HMGXB3: variants seen among roughly 807,000 people sequenced by gnomAD.
HMGXB3 encodes the protein HMG domain-containing protein 3.
A neutral mutation model predicts 121.5 loss-of-function variants in HMGXB3; 45 were observed. That is an observed-to-expected ratio of 0.37 (90% confidence interval 0.29 to 0.47). HMGXB3 has a LOEUF of 0.47. Ranked by LOEUF, HMGXB3 falls within the 20% of genes least tolerant of loss-of-function variation. The pLI is 0.99. For synonymous variants in HMGXB3, 590 were observed against 624.1 expected, an observed-to-expected ratio of 0.95 and a Z score of 0.81; for missense variants, 1,376 against 1,602.2, an observed-to-expected ratio of 0.86 and a Z score of 2.41.
chr5:150,009,888 G>T (rs979819717), intron 3 of HMGXB3, among the ~76,000 whole-genome samples: 1 of 152,132 alleles, frequency 6.6e-6, no homozygotes, highest in African/African-American at 2.4e-5. Flanking sequence ...CTGTGTGACT[G>T]AGTGAATAAG....
Position 150,038,712 on chromosome 5 carries a change from T to G in HMGXB3, c.2413+1185T>G, listed in dbSNP as rs1756555650. Among the ~76,000 whole-genome samples the G allele has an allele frequency of 2.0e-5, 3 of 152,274 alleles. No homozygotes were observed. The South Asian group carries it at 6.2e-4, about 31-fold the overall frequency. ...AAAGCAATTATGGCACGTAGCCTTTTGAGTCTGGCTTCTTTCAGTAAGTTA... is the reference window on the plus strand; with the variant it reads ...AAAGCAATTATGGCACGTAGCCTTTGGAGTCTGGCTTCTTTCAGTAAGTTA... On this transcript the variant is annotated intron_variant, in intron 13 of 19. Transcript: ENST00000502717.
At chr5:150,048,236 G>C (rs911775463) in intron 17 of HMGXB3, among the ~76,000 whole-genome samples, 5 of 152,182 alleles carry the variant, frequency 3.3e-5, no homozygotes, top group Admixed American at 2.6e-4. Context: ...TTTCTGTGCT[G>C]TTGAAAATGT....
intron 5 of HMGXB3, among the ~76,000 whole-genome samples, chr5:150,018,135 C>T (rs1756001262): frequency 6.6e-6 from 1 of 152,070 alleles, no homozygotes; most frequent in Admixed American, 6.5e-5. Context: ...GAATGTTGGG[C>T]CAAGAATAGA....
intron 5 of HMGXB3, among the ~76,000 whole-genome samples, chr5:150,016,740 A>G (rs1755969542): frequency 6.6e-6 from 1 of 152,186 alleles, no homozygotes; most frequent in African/African-American, 2.4e-5. Context: ...TAAGCCATTT[A>G]TATTTAATGT....
rs1379885056 is a variant in HMGXB3, at chr5:150,036,650, A to G, written c.1998A>G (p.Pro666=). The part of the protein sequence containing the change: ...KTTKAIEVSS[P]LPDVLNATEP... ...TCTCTTCCCAGGAGGTGAGCTCACCACTCCCAGATGTACTGAATGCCACAG... is the reference window on the plus strand; with the variant it reads ...TCTCTTCCCAGGAGGTGAGCTCACCGCTCCCAGATGTACTGAATGCCACAG... The change falls in exon 12 of 20, where the codon CCA becomes CCG. Residue 666 remains proline, a synonymous_variant. Coordinates refer to ENST00000502717, the MANE Select transcript of HMGXB3 (RefSeq NM_014983.3). The G allele has an allele frequency of 4.5e-6, 7 of 1,543,762 alleles. No homozygotes were observed. The African/African-American group carries it at 6.9e-5, about 15-fold the overall frequency.
chr5:150,053,119 T>TATTA lies in HMGXB3; in HGVS notation c.*929_*932dup, dbSNP rs1370047770. The stretch of plus-strand genomic sequence containing the variant: ...CTCTTCCCCCAACAAGAATAAAGTT[T>TATTA]ATTAAATTATCTGGTTTTGGTGTAG... On this transcript the variant is annotated 3_prime_UTR_variant, in exon 20 of 20. Transcript: ENST00000502717. 5.3e-6 allele frequency: 1 copy of TATTA among 188,146 alleles called. No homozygotes were observed. Among genetic ancestry groups the TATTA allele is most frequent in the African/African-American group, 2.3e-5 (1 of 42,738 alleles). The allele number at this position is 188,146 out of a possible 1,614,324, so 11.7% of individuals were successfully genotyped here.
intron 9 of HMGXB3, 156 bp from the exon 10 acceptor site, chr5:150,030,585 G>A (rs888448612): frequency 3.3e-6 from 2 of 606,818 alleles, no homozygotes; most frequent in Non-Finnish European, 6.0e-6. Flanking sequence ...AGCCTTTGGT[G>A]GGCTTGTGAC....
In HMGXB3 at chr5:150,051,825, G is replaced by A. The variant is rs377737634; in HGVS notation, c.3512G>A (p.Arg1171His). The change falls in exon 20 of 20, where the codon CGC (arginine) becomes CAC (histidine). Residue 1171 changes from arginine (R) to histidine (H), a missense_variant. Physicochemically the swap from Arg to His is conservative, Grantham distance 29 (BLOSUM62 0). Coordinates refer to ENST00000502717, the MANE Select transcript of HMGXB3 (RefSeq NM_014983.3). ...CCAGTCACCAAGACTGCCACGCGGCGCATCGTCCATGCAGGCCTACAGCCC... is the reference window on the plus strand; with the variant it reads ...CCAGTCACCAAGACTGCCACGCGGCACATCGTCCATGCAGGCCTACAGCCC... The part of the protein sequence containing the change: ...QHPVTKTATR[R>H]IVHAGLQPNP... 89 of 1,549,396 alleles carry A rather than the reference G, an allele frequency of 5.7e-5. No individual in the cohort carries two copies. The highest frequency in any genetic ancestry group is 5.5e-4 in the African/African-American group (40 of 73,164).
chr5:150,042,802 A>G lies in HMGXB3; in HGVS notation c.2730+833A>G, dbSNP rs1000986252. ...TTCACACAATAATAACATCAAACTC[A>G]GATGGCTTCATAGATTAATTAGAAC... On this transcript the variant is annotated intron_variant, in intron 15 of 19. Transcript: ENST00000502717. 2.0e-5 allele frequency among the ~76,000 whole-genome samples: 3 copies of G among 152,384 alleles called. No homozygotes were observed. In the South Asian group the frequency reaches 6.2e-4, roughly 32 times the overall value.
chr5:150,014,829 C>T (rs1460169940), intron 5 of HMGXB3: 2 of 449,386 alleles, frequency 4.5e-6, no homozygotes, highest in Admixed American at 4.1e-5. Flanking sequence ...AACATATTTC[C>T]CAGGGATTAA....
intron 5 of HMGXB3, among the ~76,000 whole-genome samples, chr5:150,018,236 G>A (rs1756004186): frequency 1.3e-5 from 2 of 152,182 alleles, no homozygotes; most frequent in Admixed American, 6.5e-5. Context: ...TACTTAATAC[G>A]ATTGCTGAGA....
intron 5 of HMGXB3, among the ~76,000 whole-genome samples, chr5:150,015,758 C>T (rs1334056035): frequency 6.6e-6 from 1 of 152,196 alleles, no homozygotes; most frequent in Non-Finnish European, 1.5e-5. Context: ...ATTATTTACT[C>T]TGCAAATATT....
At chr5:150,011,245 G>A (rs150261172) in intron 4 of HMGXB3, among the ~76,000 whole-genome samples, 168 of 152,306 alleles carry the variant, frequency 1.1e-3, no homozygotes, top group African/African-American at 3.8e-3. Context: ...TGAGAAAGAG[G>A]AAGCAAGTTT....
At chr5:150,023,908 C>T (rs1363121587) in intron 6 of HMGXB3, among the ~76,000 whole-genome samples, 1 of 152,238 alleles carries the variant, frequency 6.6e-6, no homozygotes, top group East Asian at 1.9e-4. Context: ...GGCAGTATGT[C>T]ACCCTCTTTC....
At chr5:150,040,237 A>G (rs1405709003) in intron 13 of HMGXB3, among the ~76,000 whole-genome samples, 1 of 152,148 alleles carries the variant, frequency 6.6e-6, no homozygotes, top group Non-Finnish European at 1.5e-5. Context: ...GCGTCAGAAC[A>G]GTTAGATCTA....
At chr5:150,047,790 C>G in intron 17 of HMGXB3, 33 bp downstream of exon 17, 1 of 1,550,842 alleles carries the variant, frequency 6.4e-7, no homozygotes, top group Non-Finnish European at 8.7e-7. Context: ...GATATCGGGG[C>G]TTCTGGAGTA....
At chr5:150,040,669 C>A in intron 13 of HMGXB3, 79 bp from the exon 14 acceptor site, 2 of 1,437,528 alleles carry the variant, frequency 1.4e-6, no homozygotes, top group Non-Finnish European at 1.9e-6. Context: ...CGTGCCACCG[C>A]ACCCAGCTGG....
intron 15 of HMGXB3, among the ~76,000 whole-genome samples, chr5:150,042,386 G>C (rs886669136): frequency 7.9e-5 from 12 of 152,212 alleles, no homozygotes; most frequent in African/African-American, 2.9e-4. Flanking sequence ...GTAAGAGAGA[G>C]AGAACAGTGT....
rs556640934 is a variant in HMGXB3, at chr5:150,010,239, A to G, written c.441A>G (p.Leu147=). The G allele has an allele frequency of 6.4e-7, 1 of 1,551,764 alleles. No homozygotes were observed. Among genetic ancestry groups the G allele is most frequent in the African/African-American group, 1.4e-5 (1 of 73,154 alleles). The change falls in exon 4 of 20, where the codon CTA becomes CTG. Residue 147 remains leucine (L), a synonymous_variant. Coordinates refer to ENST00000502717, the MANE Select transcript of HMGXB3 (RefSeq NM_014983.3). ...AGGAGGACCGGAGCTGCCCTCAGCT[A>G]GAGCTATGTGTGGCTCAGAACCAGA... The part of the protein sequence containing the change: ...SLQEDRSCPQ[L]ELCVAQNQMS...
Sources: gnomAD v4.1 joint callset for allele counts (sites outside exome capture counted in the v4.1 genomes callset) on GRCh38, gnomAD v4.1.1 for gene constraint, MANE v1.5 for transcripts, NCBI Gene and HGNC (gene_info 2026-07-23, HGNC 2026-07-21) for gene names.